KCNB2: variants seen among roughly 807,000 people sequenced by gnomAD.
KCNB2 encodes delayed rectifier potassium channel protein.
Under a neutral mutation model 61.5 loss-of-function variants are expected in KCNB2, and 15 were observed. The observed-to-expected ratio is 0.24, with a 90% CI of 0.16 to 0.38. The LOEUF is 0.38. Among genes scored for constraint, KCNB2 ranks in the 10% least tolerant of loss-of-function variants. The pLI is 1.00. For synonymous variants in KCNB2, 457 were observed against 446.0 expected, an observed-to-expected ratio of 1.02 and a Z score of -0.31; for missense variants, 828 against 1,125.2, an observed-to-expected ratio of 0.74 and a Z score of 3.78.
intron 2 of KCNB2, among the ~76,000 whole-genome samples, chr8:72,701,307 G>A (rs1206485435): frequency 6.6e-6 from 1 of 152,042 alleles, no homozygotes; most frequent in Non-Finnish European, 1.5e-5. Context: ...AGGCACTGTT[G>A]GTTACACATT....
chr8:72,622,457 A>G (rs1045984085), intron 2 of KCNB2, among the ~76,000 whole-genome samples: 2 of 152,236 alleles, frequency 1.3e-5, no homozygotes, highest in Non-Finnish European at 2.9e-5. Flanking sequence ...TTAATGTGAT[A>G]TGAATATCAT....
intron 2 of KCNB2, chr8:72,749,190 C>T (rs989878650): frequency 6.6e-6 from 1 of 152,130 alleles, no homozygotes; most frequent in Admixed American, 6.6e-5. Flanking sequence ...ATGATCACAG[C>T]TTGCTGCAGC....
intron 2 of KCNB2, among the ~76,000 whole-genome samples, chr8:72,927,574 A>G (rs1040113214): frequency 2.6e-5 from 4 of 151,460 alleles, no homozygotes; most frequent in African/African-American, 7.3e-5. Flanking sequence ...CCGACCCCCA[A>G]CTCTTTTCTG....
At chr8:72,853,134 G>C (rs1810148917) in intron 2 of KCNB2, among the ~76,000 whole-genome samples, 1 of 152,202 alleles carries the variant, frequency 6.6e-6, no homozygotes, top group Non-Finnish European at 1.5e-5. Context: ...AATATTGTTA[G>C]CTCCTCCTCC....
At chr8:72,834,767 C>T (rs1809754573) in intron 2 of KCNB2, among the ~76,000 whole-genome samples, 1 of 152,132 alleles carries the variant, frequency 6.6e-6, no homozygotes, top group Non-Finnish European at 1.5e-5. Flanking sequence ...CTGCTTGTCC[C>T]AGTGACATTT....
intron 2 of KCNB2, among the ~76,000 whole-genome samples, chr8:72,904,257 G>A (rs1022988421): frequency 2.0e-5 from 3 of 152,110 alleles, no homozygotes; most frequent in South Asian, 2.1e-4. Flanking sequence ...TGTATAGATC[G>A]TTTTAGACTC....
chr8:72,792,179 T>C (rs973259952), intron 2 of KCNB2, among the ~76,000 whole-genome samples: 39 of 152,182 alleles, frequency 2.6e-4, no homozygotes, highest in African/African-American at 8.4e-4. Context: ...GGGCCTGAGG[T>C]CTGGTCTCCG....
chr8:72,627,308 G>A (rs553855339), intron 2 of KCNB2, among the ~76,000 whole-genome samples: 47 of 152,170 alleles, frequency 3.1e-4, no homozygotes, highest in Non-Finnish European at 4.0e-4. Flanking sequence ...GTGATATTTA[G>A]CCTAATGGCT....
intron 2 of KCNB2, among the ~76,000 whole-genome samples, chr8:72,589,459 C>A (rs1022684104): frequency 6.6e-6 from 1 of 152,152 alleles, no homozygotes; most frequent in African/African-American, 2.4e-5. Flanking sequence ...AGGAGTGGCA[C>A]CTCTCTATAA....
intron 2 of KCNB2, among the ~76,000 whole-genome samples, chr8:72,746,513 C>T (rs1808070726): frequency 6.6e-6 from 1 of 152,114 alleles, no homozygotes; most frequent in Non-Finnish European, 1.5e-5. Context: ...ACATGGGTGA[C>T]TCAATGGGGA....
chr8:72,842,680 G>A (rs1809913085), intron 2 of KCNB2, among the ~76,000 whole-genome samples: 1 of 152,120 alleles, frequency 6.6e-6, no homozygotes, highest in South Asian at 2.1e-4. Context: ...TATCTGTCCA[G>A]GAATTTATCC....
chr8:72,644,164 A>T (rs1312948490), intron 2 of KCNB2, among the ~76,000 whole-genome samples: 1 of 152,148 alleles, frequency 6.6e-6, no homozygotes, highest in Non-Finnish European at 1.5e-5. Flanking sequence ...ATACTCTGAA[A>T]ACAATAATTC....
intron 2 of KCNB2, among the ~76,000 whole-genome samples, chr8:72,835,274 A>G (rs1348033): frequency 0.15 from 22,369 of 152,190 alleles, 2,610 homozygotes; most frequent in East Asian, 0.51. Context: ...GAAAGAAATA[A>G]TATACCTCAC....
chr8:72,820,769 T>C (rs1055221686), intron 2 of KCNB2, among the ~76,000 whole-genome samples: 8 of 152,182 alleles, frequency 5.3e-5, no homozygotes, highest in Non-Finnish European at 1.0e-4. Context: ...ATCCCACTTC[T>C]GATCCTCTCT....
chr8:72,799,101 G>C (rs1418278431), intron 2 of KCNB2, among the ~76,000 whole-genome samples: 1 of 152,118 alleles, frequency 6.6e-6, no homozygotes, highest in Non-Finnish European at 1.5e-5. Flanking sequence ...CTATGTCCCT[G>C]TGTGAAGACC....
chr8:72,571,650 C>T (rs1234718297), intron 2 of KCNB2, among the ~76,000 whole-genome samples: 5 of 152,070 alleles, frequency 3.3e-5, no homozygotes, highest in African/African-American at 7.2e-5. Flanking sequence ...TACATGTCCT[C>T]ATATAGAAAT....
At chr8:72,892,518 A>C (rs1467416956) in intron 2 of KCNB2, among the ~76,000 whole-genome samples, 1 of 152,222 alleles carries the variant, frequency 6.6e-6, no homozygotes, top group Non-Finnish European at 1.5e-5. Flanking sequence ...GGCACATGCC[A>C]CATGTTTCAT....
chr8:72,656,307 C>A (rs889517963), intron 2 of KCNB2, among the ~76,000 whole-genome samples: 1 of 152,144 alleles, frequency 6.6e-6, no homozygotes, highest in Non-Finnish European at 1.5e-5. Flanking sequence ...AAGCAACTTG[C>A]ACCTCTGAGA....
chr8:72,820,135 C>T (rs1393512140), intron 2 of KCNB2, among the ~76,000 whole-genome samples: 2 of 152,186 alleles, frequency 1.3e-5, no homozygotes, highest in Non-Finnish European at 2.9e-5. Flanking sequence ...CGCTCATCCC[C>T]TTTGAGCAGC....
Sources: gnomAD v4.1 joint callset for allele counts (sites outside exome capture counted in the v4.1 genomes callset) on GRCh38, gnomAD v4.1.1 for gene constraint, MANE v1.5 for transcripts, NCBI Gene and HGNC (gene_info 2026-07-23, HGNC 2026-07-21) for gene names.